The following RAD23A variants were observed in gnomAD, a reference collection of about 807,000 sequenced individuals.
The protein encoded by RAD23A is RAD23 nucleotide excision repair protein A.
A neutral mutation model predicts 44.8 loss-of-function variants in RAD23A; 16 were observed. That is an observed-to-expected ratio of 0.36 (90% CI 0.24 to 0.54). The LOEUF (loss-of-function observed/expected upper bound fraction) is 0.54, where lower values mean the gene tolerates loss of function less well. RAD23A is among the 20% of genes least tolerant of loss of function. The pLI, the probability that RAD23A is intolerant of heterozygous loss-of-function variation, is 0.89. For missense variants in RAD23A, 380 were observed against 483.3 expected (o/e 0.79, Z 2.00); for synonymous variants, 217 against 202.9 (o/e 1.07, Z -0.59).
intron 1 of RAD23A, among the ~76,000 whole-genome samples, chr19:12,947,120 T>C (rs1355409828): frequency 2.0e-5 from 3 of 152,218 alleles, no homozygotes; most frequent in East Asian, 1.9e-4. Context: ...ATGACACATA[T>C]ACATTTACAG....
rs148342055 is a variant in RAD23A, at chr19:12,947,625, A to G, written c.73-223A>G. 5.6e-4 allele frequency among the ~76,000 whole-genome samples: 85 copies of G among 152,314 alleles called. No homozygotes were observed. The East Asian group carries it at 0.016, about 28-fold the overall frequency. On this transcript the variant is annotated intron_variant, in intron 1 of 8. Transcript: ENST00000586534. ...CTGTGCTGTGGCCTCTGTGTCTAAA[A>G]CAGCACCTGGCACATAATGGGTGTT...
chr19:12,948,037 TG>T lies in RAD23A; in HGVS notation c.234+31del. ...GGGTGACGTGTGCTGGCTGGGAGGG[TG>T]GGTGGACGAGCTGGGGAGCTGGCAA... On this transcript the variant is annotated intron_variant, in intron 2 of 8. Coordinates refer to ENST00000586534, the MANE Select transcript of RAD23A (RefSeq NM_005053.4). This position sits in a 1 kb window ranked among gnomAD's most constrained non-coding sequence, Gnocchi z 5.5. The T allele has an allele frequency of 1.2e-6, 2 of 1,609,714 alleles. No homozygotes were observed.
At position 12,945,925 on chromosome 19, in the gene RAD23A, C is replaced by A; in HGVS notation, c.-24C>A. ...TGCATGTTGTGTGAGGATCCCGGGG[C>A]CGCCGCGTCGCTCGGGCCCCGCCAT... On this transcript the variant is annotated 5_prime_UTR_variant, in exon 1 of 9. Transcript: ENST00000586534. 1.2e-6 allele frequency: 2 copies of A among 1,605,742 alleles called. No homozygotes were observed. Among genetic ancestry groups the A allele is most frequent in the Admixed American group, 1.7e-5 (1 of 59,768 alleles).
rs775488712 is a variant in RAD23A, at chr19:12,949,104, G to A, written c.624G>A (p.Pro208=). Residue 208 remains proline (P), a synonymous_variant, in exon 6 of 9, where the codon CCG becomes CCA. Coordinates refer to ENST00000586534, the MANE Select transcript of RAD23A (RefSeq NM_005053.4). ...LLTGIPGSPE[P]EHGSVQESQV... is the part of the protein sequence containing the mutation. ...AGGGAATTCCTGGGAGCCCCGAGCC[G>A]GAACACGGTTCTGTCCAGGAGAGCC... is the stretch of plus-strand genomic sequence containing the variant. 8.7e-5 allele frequency: 141 copies of A among 1,613,526 alleles called. No individual in the cohort carries two copies. The East Asian group carries it at 9.4e-4, about 11-fold the overall frequency.
chr19:12,949,219 C>T (rs1003271317), intron 6 of RAD23A, 56 bp from the exon 7 acceptor site: 40 of 1,613,862 alleles, frequency 2.5e-5, no homozygotes, highest in South Asian at 3.3e-5. Flanking sequence ...CACTCCACCC[C>T]GCAGTGCTCC....
chr19:12,948,184 C>T lies in RAD23A; in HGVS notation c.242C>T (p.Ala81Val), dbSNP rs1971714209. 3 of 1,613,972 alleles carry T rather than the reference C, an allele frequency of 1.9e-6. No individual in the cohort carries two copies. Among genetic ancestry groups the T allele is most frequent in the South Asian group, 2.2e-5 (2 of 91,086 alleles). Residue 81 changes from alanine (A) to valine (V), a missense_variant, in exon 3 of 9, where the codon GCC (alanine) becomes GTC (valine). Physicochemically the swap from Ala to Val is moderately conservative, Grantham distance 64. Transcript: ENST00000586534. The surrounding 1 kb of genome is among the most constrained non-coding windows in gnomAD (Gnocchi z 5.5). ...TTTTTCTTGCTGTTGCAGACCAAAG[C>T]CGGCCAGGGTACCTCAGCACCCCCA... The part of the protein sequence containing the change: ...FVVVMVTKTK[A>V]GQGTSAPPEA...
At chr19:12,951,259 G>A (rs752764776) in intron 7 of RAD23A, among the ~76,000 whole-genome samples, 4 of 151,838 alleles carry the variant, frequency 2.6e-5, no homozygotes, top group Admixed American at 6.6e-5. Context: ...TTACAGGCGT[G>A]AGCCACCACA....
chr19:12,949,641 C>T (rs190746856), intron 7 of RAD23A: 37 of 565,706 alleles, frequency 6.5e-5, no homozygotes, highest in East Asian at 5.5e-4. Context: ...AAGAAGACAC[C>T]GGAAACTTAG....
At chr19:12,952,879 T>C (rs200025863) in intron 8 of RAD23A, 26 bp downstream of exon 8, 1,318 of 1,605,084 alleles carry the variant, frequency 8.2e-4, no homozygotes, top group Non-Finnish European at 1.0e-3. Context: ...GAGGGGTGAC[T>C]GCAGGTGGGC....
At position 12,948,102 on chromosome 19, in the gene RAD23A, G is replaced by A; in HGVS notation, c.235-75G>A. 1 of 1,607,372 alleles carries A rather than the reference G, an allele frequency of 6.2e-7. No homozygotes were observed. The highest frequency in any genetic ancestry group is 8.5e-7 in the Non-Finnish European group (1 of 1,175,332). ...CCAGGAGAGATTAGCTGTGAACAGG[G>A]CGGGGCCACAGCGGAGCGGGTTGTT... On this transcript the variant is annotated intron_variant, in intron 2 of 8. Transcript: ENST00000586534. This position sits in a 1 kb window ranked among gnomAD's most constrained non-coding sequence, Gnocchi z 5.5.
chr19:12,945,898 G>A lies in RAD23A; in HGVS notation c.-51G>A, dbSNP rs751540276. On this transcript the variant is annotated 5_prime_UTR_variant, in exon 1 of 9. Coordinates refer to ENST00000586534, the MANE Select transcript of RAD23A (RefSeq NM_005053.4). ...GGGCGCTAAGATGGCGGCGGCGTGA[G>A]TTGCATGTTGTGTGAGGATCCCGGG... 4 of 1,583,046 alleles carry A rather than the reference G, an allele frequency of 2.5e-6. No homozygotes were observed. The highest frequency in any genetic ancestry group is 3.4e-5 in the Admixed American group (2 of 59,550).
At chr19:12,946,470 C>T (rs1367468231) in intron 1 of RAD23A, among the ~76,000 whole-genome samples, 1 of 152,184 alleles carries the variant, frequency 6.6e-6, no homozygotes, top group Non-Finnish European at 1.5e-5. Context: ...GGGTCTCAGT[C>T]TTTATAATTT....
rs1448913819 is a variant in RAD23A at position 12,948,589 on chromosome 19, G to A, written c.472+37G>A. 3.8e-6 allele frequency: 6 copies of A among 1,574,476 alleles called. No homozygotes were observed. Among genetic ancestry groups the A allele is most frequent in the Non-Finnish European group, 5.2e-6 (6 of 1,160,132 alleles). On this transcript the variant is annotated intron_variant, in intron 4 of 8. Coordinates refer to ENST00000586534, the MANE Select transcript of RAD23A (RefSeq NM_005053.4). This position sits in a 1 kb window ranked among gnomAD's most constrained non-coding sequence, Gnocchi z 5.5. The stretch of plus-strand genomic sequence containing the variant: ...GTCCCCAGGGCAGAGGTGACTGGGT[G>A]CCCCAGCCATCAGCTGGGCCTTGTC...
Position 12,948,946 on chromosome 19 carries a change from C to G in RAD23A, c.600+133C>G, listed in dbSNP as rs540853964. 2 of 1,529,796 alleles carry G rather than the reference C, an allele frequency of 1.3e-6. No homozygotes were observed. The highest frequency in any genetic ancestry group is 2.7e-5 in the African/African-American group (2 of 73,048). 94.8% of individuals were successfully genotyped at this position (1,529,796 alleles called of 1,614,324 possible). A position where few individuals can be genotyped will look rare whatever the true frequency, so the allele number is the denominator to read the frequency against. ...AGTGATTCTAGCCACTAAAGGCTTC[C>G]CACAGGAGGCTGGATGTGAGTGATG... is the stretch of plus-strand genomic sequence containing the variant. On this transcript the variant is annotated intron_variant, in intron 5 of 8. Transcript: ENST00000586534. This position sits in a 1 kb window ranked among gnomAD's most constrained non-coding sequence, Gnocchi z 5.5.
chr19:12,949,483 G>A (rs1971750487), intron 7 of RAD23A, 75 bp downstream of exon 7: 7 of 1,562,514 alleles, frequency 4.5e-6, no homozygotes, highest in Middle Eastern at 1.7e-4. Context: ...TCCATAACAC[G>A]TAGGAATCGT....
rs45475299 is a variant in RAD23A at position 12,952,660 on chromosome 19, T to TA, written c.814-28dup. The TA allele has an allele frequency of 1.8e-3, 2,881 of 1,588,046 alleles. 38 individuals carry two copies. In the African/African-American group the frequency reaches 0.032, roughly 18 times the overall value. The stretch of plus-strand genomic sequence containing the variant: ...AGAGGAGGGGACCAGGGCTGTGAAT[T>TA]ACCTTCCCTTCCCCACCCTCTCCTG... On this transcript the variant is annotated intron_variant, in intron 7 of 8. Transcript: ENST00000586534.
chr19:12,949,547 C>T, intron 7 of RAD23A, 139 bp downstream of exon 7: 1 of 1,209,630 alleles, frequency 8.3e-7, no homozygotes, highest in Non-Finnish European at 1.2e-6. Flanking sequence ...CCCTGTGCTT[C>T]CTGTGACCTG....
At chr19:12,949,532 C>G (rs187691121) in intron 7 of RAD23A, 124 bp downstream of exon 7, 2 of 1,345,578 alleles carry the variant, frequency 1.5e-6, no homozygotes, top group Non-Finnish European at 2.0e-6. Context: ...ATGCTTCCCC[C>G]ACGCCCCTGT....
Position 12,952,549 on chromosome 19 carries a change from G to C in RAD23A, c.814-140G>C, listed in dbSNP as rs980255285. ...GCTCTTCCAGGGTAGGGCTTGTGTC[G>C]ACTGCTATGTTGTGTTTGGCCAGAA... On this transcript the variant is annotated intron_variant, in intron 7 of 8. Coordinates refer to ENST00000586534, the MANE Select transcript of RAD23A (RefSeq NM_005053.4). 5.2e-6 allele frequency: 5 copies of C among 961,520 alleles called. No individual in the cohort carries two copies. The South Asian group carries it at 5.2e-5, about 10-fold the overall frequency. The allele number at this position is 961,520 out of a possible 1,614,324, so 59.6% of individuals were successfully genotyped here.
Sources: allele counts gnomAD v4.1 joint callset (sites outside exome capture counted in the v4.1 genomes callset), GRCh38; gene constraint gnomAD v4.1.1; non-coding constraint Gnocchi (gnomAD v3.1); transcripts MANE v1.5; gene names NCBI Gene and HGNC (gene_info 2026-07-23, HGNC 2026-07-21).